TBCK: variants seen among roughly 807,000 people sequenced by gnomAD.
The protein encoded by TBCK is TBC1 domain containing kinase.
Under a neutral mutation model 113.4 loss-of-function variants are expected in TBCK, and 99 were observed. That is an observed-to-expected ratio of 0.87 (90% CI 0.74 to 1.03). The LOEUF is 1.03. Ranked by LOEUF, TBCK falls within the 50% of genes least tolerant of loss-of-function variation. The pLI is 0.00. For missense variants in TBCK, 1,045 were observed against 1,061.3 expected, an observed-to-expected ratio of 0.98 and a Z score of 0.21; for synonymous variants, 369 against 370.8, an observed-to-expected ratio of 1.00 and a Z score of 0.05.
At chr4:106,179,445 T>C (rs1284476121) in intron 22 of TBCK, among the ~76,000 whole-genome samples, 1 of 152,040 alleles carries the variant, frequency 6.6e-6, no homozygotes, top group Non-Finnish European at 1.5e-5. Context: ...CCATTTTCAT[T>C]TGCACATTTT....
intron 12 of TBCK, among the ~76,000 whole-genome samples, chr4:106,239,704 AAACTTAT>A (rs1365618413): frequency 2.0e-5 from 3 of 151,912 alleles, no homozygotes; most frequent in Admixed American, 6.6e-5. Flanking sequence ...CAACCTGAGT[AAACTTAT>A]AACCATTAAG....
chr4:106,220,229 C>A (rs146648889), intron 19 of TBCK, among the ~76,000 whole-genome samples: 5 of 152,236 alleles, frequency 3.3e-5, no homozygotes, highest in African/African-American at 1.2e-4. Flanking sequence ...TGCTCTTGCC[C>A]GTGCTATTCT....
At chr4:106,278,102 A>T (rs1764199350) in intron 3 of TBCK, among the ~76,000 whole-genome samples, 1 of 152,206 alleles carries the variant, frequency 6.6e-6, no homozygotes, top group Non-Finnish European at 1.5e-5. Context: ...TCATAAAATA[A>T]TAGCCAAGAA....
intron 23 of TBCK, among the ~76,000 whole-genome samples, chr4:106,157,474 A>G (rs1749262418): frequency 1.3e-5 from 2 of 152,066 alleles, no homozygotes; most frequent in South Asian, 4.1e-4. Context: ...AGAGCCCCAG[A>G]ACACTTTAGC....
intron 19 of TBCK, among the ~76,000 whole-genome samples, chr4:106,214,023 GA>G (rs1756525336): frequency 6.6e-6 from 1 of 152,296 alleles, no homozygotes; most frequent in African/African-American, 2.4e-5. Context: ...GGAGGTCTGA[GA>G]ACCAGCAGAC....
intron 4 of TBCK, 126 bp downstream of exon 4, chr4:106,261,972 C>A (rs1159115713): frequency 2.3e-6 from 1 of 438,548 alleles, no homozygotes; most frequent in Non-Finnish European, 3.9e-6. Context: ...TTCATATAGA[C>A]TTTTCATTAT....
chr4:106,298,796 T>G (rs535665744), intron 2 of TBCK, among the ~76,000 whole-genome samples: 2 of 152,282 alleles, frequency 1.3e-5, no homozygotes, highest in South Asian at 4.2e-4. Flanking sequence ...ACTACAAAAT[T>G]ATGACCACAT....
In TBCK at chr4:106,113,751, T is replaced by C. The variant is rs189402255; in HGVS notation, c.2411+2452A>G. Among the ~76,000 whole-genome samples, 507 of 152,322 alleles carry C rather than the reference T, an allele frequency of 3.3e-3. 1 individual carries two copies. The highest frequency in any genetic ancestry group is 5.7e-3 in the Non-Finnish European group (387 of 68,030). The stretch of plus-strand genomic sequence containing the variant: ...GAATCTGCTCTGGACACAGACACCA[T>C]TCACTCCAGATAATTTGTTCCTTCC... On this transcript the variant is annotated intron_variant, in intron 24 of 25. Transcript: ENST00000394708.
chr4:106,081,696 C>T (rs1257407144), intron 25 of TBCK, among the ~76,000 whole-genome samples: 2 of 152,138 alleles, frequency 1.3e-5, no homozygotes, highest in African/African-American at 4.8e-5. Context: ...AATATATTTG[C>T]AAACTATGCC....
intron 20 of TBCK, among the ~76,000 whole-genome samples, chr4:106,199,263 C>T (rs1159674734): frequency 6.6e-6 from 1 of 152,112 alleles, no homozygotes; most frequent in Admixed American, 6.6e-5. Context: ...CAGGATTTGA[C>T]AAAGTTGACT....
chr4:106,139,321 T>C (rs1746917430), intron 23 of TBCK, among the ~76,000 whole-genome samples: 1 of 141,988 alleles, frequency 7.0e-6, no homozygotes, highest in African/African-American at 2.5e-5. Flanking sequence ...TTAACTGTTA[T>C]TGCCATGATT....
chr4:106,206,343 C>T (rs1182257398), intron 20 of TBCK, among the ~76,000 whole-genome samples: 3 of 152,110 alleles, frequency 2.0e-5, no homozygotes, highest in Admixed American at 6.5e-5. Flanking sequence ...TTTTATCATC[C>T]CTGATACTAT....
At position 106,193,752 on chromosome 4, in the gene TBCK, T is replaced by C. The variant is rs1753914730; in HGVS notation, c.1916A>G (p.Lys639Arg). ...TMFTHVFPLH[K>R]IFHLWDTLLL... ...TAAGGTATCCCAGAGGTGGAAAATTTTGTGTAGTGGAAATACATCTGTAAA... is the reference window on the plus strand; with the variant it reads ...TAAGGTATCCCAGAGGTGGAAAATTCTGTGTAGTGGAAATACATCTGTAAA... The change falls in exon 22 of 26, where the codon AAA (lysine) becomes AGA (arginine). Residue 639 changes from lysine (K) to arginine (R), a missense_variant. Physicochemically the swap from Lys to Arg is conservative, Grantham distance 26 (BLOSUM62 2). Transcript: ENST00000394708. 4 of 1,580,656 alleles carry C rather than the reference T, an allele frequency of 2.5e-6. No individual in the cohort carries two copies. The highest frequency in any genetic ancestry group is 3.4e-6 in the Non-Finnish European group (4 of 1,168,850).
At chr4:106,247,112 A>C (rs1560901918) in intron 10 of TBCK, 27 bp downstream of exon 10, 2 of 1,598,432 alleles carry the variant, frequency 1.3e-6, no homozygotes, top group Admixed American at 3.6e-5. Flanking sequence ...GGCTCATATT[A>C]TTCTCTATGC....
intron 23 of TBCK, among the ~76,000 whole-genome samples, chr4:106,143,233 ACTCTT>A (rs1406665901): frequency 6.6e-6 from 1 of 151,996 alleles, no homozygotes; most frequent in Non-Finnish European, 1.5e-5. Flanking sequence ...CTCTAGTGCA[ACTCTT>A]ATCTGGCTCT....
chr4:106,244,162 C>T (rs761740424), intron 11 of TBCK, among the ~76,000 whole-genome samples: 1 of 151,948 alleles, frequency 6.6e-6, no homozygotes, highest in Non-Finnish European at 1.5e-5. Flanking sequence ...GATTTTTTTG[C>T]AACACACTAG....
At chr4:106,124,484 A>G (rs1008754113) in intron 23 of TBCK, among the ~76,000 whole-genome samples, 2 of 152,206 alleles carry the variant, frequency 1.3e-5, no homozygotes, top group Non-Finnish European at 2.9e-5. Flanking sequence ...CATTTGACCC[A>G]GCCATCCCAT....
intron 24 of TBCK, among the ~76,000 whole-genome samples, chr4:106,107,377 A>G (rs1459457759): frequency 6.6e-6 from 1 of 152,230 alleles, no homozygotes; most frequent in East Asian, 1.9e-4. Flanking sequence ...AATCGACCAC[A>G]TAACTGGACA....
At chr4:106,059,529 C>A (rs377385762) in intron 25 of TBCK, among the ~76,000 whole-genome samples, 1 of 151,588 alleles carries the variant, frequency 6.6e-6, no homozygotes, top group East Asian at 1.9e-4. Context: ...ATGAGCCATA[C>A]CTATATAAGA....
Sources: allele counts gnomAD v4.1 joint callset (sites outside exome capture counted in the v4.1 genomes callset), GRCh38; gene constraint gnomAD v4.1.1; transcripts MANE v1.5; gene names NCBI Gene and HGNC (gene_info 2026-07-23, HGNC 2026-07-21).